The following SHISA6 variants were observed in gnomAD, a reference collection of about 807,000 sequenced individuals.
SHISA6 encodes protein shisa-6.
Under a neutral mutation model 47.9 loss-of-function variants are expected in SHISA6, and 22 were observed. The observed-to-expected ratio is 0.46, with a 90% confidence interval of 0.33 to 0.66. The LOEUF (loss-of-function observed/expected upper bound fraction) is 0.66. Among genes scored for constraint, SHISA6 ranks in the 30% least tolerant of loss-of-function variants. The pLI is 0.02. For missense variants in SHISA6, 680 were observed against 764.6 expected (o/e 0.89, Z 1.30); for synonymous variants, 388 against 337.8 (o/e 1.15, Z -1.63).
chr17:11,241,578 A>C lies in SHISA6; in HGVS notation c.156A>C (p.Ala52=). Residue 52 remains alanine (A), a synonymous_variant, in exon 1 of 6, where the codon GCA becomes GCC. Coordinates refer to ENST00000441885, the MANE Select transcript of SHISA6 (RefSeq NM_207386.4). This position sits in a 1 kb window ranked among gnomAD's most constrained non-coding sequence, Gnocchi z 5.5. Reference sequence around the variant, plus strand: ...GCCGGAGGGCCGGGGGCGCCCTGGCACGGGGCGGCCGCGAGCTGAACGGCA... The same window carrying C: ...GCCGGAGGGCCGGGGGCGCCCTGGCCCGGGGCGGCCGCGAGCTGAACGGCA... ...VGGRRAGGAL[A]RGGRELNGTA... 1 of 1,127,132 alleles carries C rather than the reference A, an allele frequency of 8.9e-7. No individual in the cohort carries two copies. Among genetic ancestry groups the C allele is most frequent in the Non-Finnish European group, 1.1e-6 (1 of 923,396 alleles). The allele number at this position is 1,127,132 out of a possible 1,614,324, so 69.8% of individuals were successfully genotyped here. A position where few individuals can be genotyped will look rare whatever the true frequency, so the allele number is the denominator to read the frequency against.
At chr17:11,507,458 G>A (rs996270947) in intron 3 of SHISA6, among the ~76,000 whole-genome samples, 1 of 152,090 alleles carries the variant, frequency 6.6e-6, no homozygotes, top group African/African-American at 2.4e-5. Context: ...GAACCACCCA[G>A]GCAGATCTCA....
chr17:11,269,044 G>GT lies in SHISA6; in HGVS notation c.799+5522dup, dbSNP rs1302302002. ...GGTGCCCAGTTTTTTTTGTTTGTCT[G>GT]TTTTGTTTTTTTTTTTTAATGGAGT... On this transcript the variant is annotated intron_variant, in intron 2 of 5. Transcript: ENST00000441885. Among the ~76,000 whole-genome samples, 1,192 of 141,176 alleles carry GT rather than the reference G, an allele frequency of 8.4e-3. 20 individuals are homozygous for GT. The highest frequency in any genetic ancestry group is 0.035 in the African/African-American group (1,148 of 33,150). 92.6% of individuals were successfully genotyped at this position (141,176 alleles called of 152,430 possible).
intron 3 of SHISA6, among the ~76,000 whole-genome samples, chr17:11,459,965 C>T (rs1391972258): frequency 4.6e-5 from 7 of 152,166 alleles, no homozygotes; most frequent in Admixed American, 3.3e-4. Context: ...CAAGAGGGAC[C>T]GTCGACAGCC....
At chr17:11,551,722 A>G (rs2071933493) in intron 3 of SHISA6, among the ~76,000 whole-genome samples, 174 bp from the exon 4 acceptor site, 1 of 152,190 alleles carries the variant, frequency 6.6e-6, no homozygotes, top group Admixed American at 6.5e-5. Context: ...AAGGAGAGAG[A>G]CAGAAACAGC....
rs115890476 is a variant in SHISA6 at position 11,474,729 on chromosome 17, T to A, written c.896-77167T>A. Among the ~76,000 whole-genome samples the A allele has an allele frequency of 3.2e-3, 480 of 152,330 alleles. 2 individuals carry two copies. The highest frequency in any genetic ancestry group is 0.011 in the African/African-American group (459 of 41,574). ...GTCCTTTCATTAATACCACACTGGC[T>A]TAATTACTGTAACTTTATAGTTAAA... On this transcript the variant is annotated intron_variant, in intron 3 of 5. Coordinates refer to ENST00000441885, the MANE Select transcript of SHISA6 (RefSeq NM_207386.4).
chr17:11,405,329 C>G (rs528367550), intron 3 of SHISA6, among the ~76,000 whole-genome samples: 1 of 152,112 alleles, frequency 6.6e-6, no homozygotes, highest in African/African-American at 2.4e-5. Context: ...CTTCTGGTCC[C>G]GGAGTAAATT....
intron 2 of SHISA6, among the ~76,000 whole-genome samples, chr17:11,316,231 G>A (rs188583003): frequency 2.5e-3 from 379 of 151,024 alleles, no homozygotes; most frequent in Non-Finnish European, 4.3e-3. Context: ...CTGATGTTGT[G>A]TGGGCTCATG....
chr17:11,498,658 TA>T (rs2071426934), intron 3 of SHISA6, among the ~76,000 whole-genome samples: 1 of 151,870 alleles, frequency 6.6e-6, no homozygotes, highest in African/African-American at 2.4e-5. Flanking sequence ...TATATATCAA[TA>T]AACAATAATA....
chr17:11,390,750 A>G (rs189292301), intron 3 of SHISA6, among the ~76,000 whole-genome samples: 113 of 152,298 alleles, frequency 7.4e-4, no homozygotes, highest in Middle Eastern at 3.4e-3. Flanking sequence ...AAGAGCTCTG[A>G]GGGAGGATGC....
Position 11,263,588 on chromosome 17 carries a change from C to T in SHISA6, c.799+62C>T, listed in dbSNP as rs960351538. 15 of 1,537,226 alleles carry T rather than the reference C, an allele frequency of 9.8e-6. No homozygotes were observed. In the African/African-American group the frequency reaches 2.1e-4, roughly 21 times the overall value. On this transcript the variant is annotated intron_variant, in intron 2 of 5. Transcript: ENST00000441885. ...GCTGGTGAGAGGTTTCAGGATGTTTCTGCTCTGGTGGGGCAGGTTGTGGAC... is the reference window on the plus strand; with the variant it reads ...GCTGGTGAGAGGTTTCAGGATGTTTTTGCTCTGGTGGGGCAGGTTGTGGAC...
intron 2 of SHISA6, among the ~76,000 whole-genome samples, chr17:11,323,880 T>C (rs1910790984): frequency 6.6e-6 from 1 of 152,026 alleles, no homozygotes; most frequent in Non-Finnish European, 1.5e-5. Context: ...TAAACAGCTT[T>C]ATTGAGATAT....
At chr17:11,350,174 A>ATTTTTTTTTTTTTTT (rs1310542458) in intron 2 of SHISA6, among the ~76,000 whole-genome samples, 9 of 100,416 alleles carry the variant, frequency 9.0e-5, no homozygotes, top group African/African-American at 3.8e-4. Flanking sequence ...TTATTTATTT[A>ATTTTTTTTTTTTTTT]TTTATTTATT....
At chr17:11,329,357 C>T (rs1004983509) in intron 2 of SHISA6, among the ~76,000 whole-genome samples, 11 of 152,126 alleles carry the variant, frequency 7.2e-5, no homozygotes, top group African/African-American at 1.9e-4. Context: ...AAATGTAAAT[C>T]GACACCAAAT....
At chr17:11,403,346 C>T (rs1913842730) in intron 3 of SHISA6, among the ~76,000 whole-genome samples, 1 of 152,164 alleles carries the variant, frequency 6.6e-6, no homozygotes, top group Admixed American at 6.5e-5. Context: ...CAAATACTAC[C>T]ACAGAGCCAC....
intron 2 of SHISA6, among the ~76,000 whole-genome samples, chr17:11,275,170 A>G (rs933971993): frequency 6.6e-6 from 1 of 151,406 alleles, no homozygotes; most frequent in Non-Finnish European, 1.5e-5. Flanking sequence ...TTTTCATTAA[A>G]CATATGGACT....
intron 3 of SHISA6, among the ~76,000 whole-genome samples, chr17:11,491,736 G>A (rs1916484702): frequency 6.6e-6 from 1 of 151,280 alleles, no homozygotes. Flanking sequence ...ATTTGGTCCA[G>A]TGTGTTGTGT....
intron 4 of SHISA6, among the ~76,000 whole-genome samples, chr17:11,554,204 CTCCCAAGT>C (rs1240312775): frequency 1.3e-5 from 2 of 152,232 alleles, no homozygotes; most frequent in Non-Finnish European, 2.9e-5. Flanking sequence ...AGGAGCAGCA[CTCCCAAGT>C]TCCTGCTCAC....
chr17:11,408,576 T>C (rs1914027379), intron 3 of SHISA6, among the ~76,000 whole-genome samples: 1 of 152,252 alleles, frequency 6.6e-6, no homozygotes, highest in Non-Finnish European at 1.5e-5. Context: ...ATATCTTAAC[T>C]AATGCTACCT....
intron 3 of SHISA6, among the ~76,000 whole-genome samples, chr17:11,400,767 T>A (rs1003827082): frequency 5.9e-5 from 9 of 152,228 alleles, no homozygotes; most frequent in Non-Finnish European, 1.3e-4. Flanking sequence ...GTAGCCTGCC[T>A]GGTGTACTTA....
Sources: gnomAD v4.1 joint callset for allele counts (sites outside exome capture counted in the v4.1 genomes callset) on GRCh38, gnomAD v4.1.1 for gene constraint, Gnocchi (gnomAD v3.1) non-coding constraint, MANE v1.5 for transcripts, NCBI Gene and HGNC (gene_info 2026-07-23, HGNC 2026-07-21) for gene names.